Variants in NLGN4X observed in about 807,000 individuals in gnomAD.
NLGN4X encodes the protein neuroligin 4 X-linked, also known as neuroligin-4, X-linked.
A neutral mutation model predicts 40.3 loss-of-function variants in NLGN4X; 3 were observed. The observed-to-expected ratio is 0.07, with a 90% CI of 0.03 to 0.19. The LOEUF (loss-of-function observed/expected upper bound fraction) is 0.19. Among genes scored for constraint, NLGN4X ranks in the 10% least tolerant of loss-of-function variants. The pLI, the probability that NLGN4X is intolerant of heterozygous loss-of-function variation, is 1.00. For synonymous variants in NLGN4X, 270 were observed against 306.8 expected (o/e 0.88, Z 1.25); for missense variants, 382 against 708.3 (o/e 0.54, Z 5.23).
intron 1 of NLGN4X, among the ~76,000 whole-genome samples, chrX:6,172,661 A>G (rs1236411587): frequency 9.0e-6 from 1 of 111,549 alleles, no homozygotes; most frequent in African/African-American, 3.3e-5. Context: ...TTCTTTTTTC[A>G]ATTTTTAAAA....
At chrX:6,053,906 A>G (rs2037553763) in intron 2 of NLGN4X, among the ~76,000 whole-genome samples, 2 of 112,397 alleles carry the variant, frequency 1.8e-5, no homozygotes, top group South Asian at 3.7e-4. Flanking sequence ...TATACATTTC[A>G]CTTGAAATTC....
At chrX:6,137,357 A>G (rs2039842961) in intron 2 of NLGN4X, among the ~76,000 whole-genome samples, 2 of 111,919 alleles carry the variant, frequency 1.8e-5, no homozygotes, top group African/African-American at 6.5e-5. Flanking sequence ...TCTTACCTTG[A>G]TTACATTTGC....
At chrX:6,071,942 T>G (rs1481921585) in intron 2 of NLGN4X, among the ~76,000 whole-genome samples, 2 of 111,040 alleles carry the variant, frequency 1.8e-5, no homozygotes, top group African/African-American at 6.6e-5. Flanking sequence ...TCAGCCACCA[T>G]GCCCAGCCTG....
chrX:6,063,553 G>A (rs1379280740), intron 2 of NLGN4X, among the ~76,000 whole-genome samples: 1 of 111,873 alleles, frequency 8.9e-6, no homozygotes, highest in Admixed American at 9.5e-5. Context: ...GTGGCACAAG[G>A]GAGGAAATTT....
chrX:5,892,850 A>T lies in NLGN4X; in HGVS notation c.2418T>A (p.Asn806Lys). The change falls in exon 6 of 6, where the codon AAT (asparagine) becomes AAA (lysine). Residue 806 changes from asparagine (N) to lysine (K), a missense_variant. This residue lies in a region of NLGN4X where 57 missense variants were observed against 65.6 expected (regional missense o/e 0.87). Coordinates refer to ENST00000381095, the MANE Select transcript of NLGN4X (RefSeq NM_181332.3). Reference protein sequence around the residue: ...NTFSGGQNSTNLPHGHSTTRV With the variant: ...NTFSGGQNSTKLPHGHSTTRV ...TAGTGGTGGAATGTCCGTGGGGTAA[A>T]TTTGTACTGTTTTGTCCTCCACTGA... 8.3e-7 allele frequency: 1 copy of T among 1,211,144 alleles called. No individual in the cohort carries two copies. Among genetic ancestry groups the T allele is most frequent in the Non-Finnish European group, 1.1e-6 (1 of 895,366 alleles).
chrX:6,093,129 C>A (rs2038682309), intron 2 of NLGN4X, among the ~76,000 whole-genome samples: 1 of 111,381 alleles, frequency 9.0e-6, no homozygotes, highest in Non-Finnish European at 1.9e-5. Context: ...TTAGCCCTTG[C>A]CAAAGACAAC....
At chrX:6,204,161 A>G (rs1923847997) in intron 1 of NLGN4X, among the ~76,000 whole-genome samples, 1 of 112,314 alleles carries the variant, frequency 8.9e-6, no homozygotes, top group Non-Finnish European at 1.9e-5. Context: ...TGTTGTATGC[A>G]TGGTTTCTCA....
chrX:6,173,300 A>C (rs1038539336), intron 1 of NLGN4X, among the ~76,000 whole-genome samples: 2 of 111,950 alleles, frequency 1.8e-5, no homozygotes, highest in Non-Finnish European at 3.8e-5. Flanking sequence ...TGAAGGCTTC[A>C]GCAGCCTCAG....
intron 3 of NLGN4X, among the ~76,000 whole-genome samples, chrX:6,014,045 G>T (rs1438570831): frequency 9.1e-6 from 1 of 109,400 alleles, no homozygotes; most frequent in African/African-American, 3.3e-5. Flanking sequence ...AGCCAGGCAT[G>T]GTGGTGCGGG....
intron 3 of NLGN4X, among the ~76,000 whole-genome samples, chrX:6,010,884 C>G (rs1248302020): frequency 9.0e-6 from 1 of 111,311 alleles, no homozygotes; most frequent in Non-Finnish European, 1.9e-5. Context: ...ACAATAATCT[C>G]TATTTACCAA....
chrX:6,018,396 T>C (rs999885549), intron 3 of NLGN4X, among the ~76,000 whole-genome samples: 5 of 112,291 alleles, frequency 4.5e-5, no homozygotes, highest in African/African-American at 1.6e-4. Flanking sequence ...TCCAAAATGT[T>C]CTCCCAACAC....
Position 5,890,993 on chromosome X carries a change from T to C in NLGN4X, c.*1824A>G, listed in dbSNP as rs918258974. On this transcript the variant is annotated 3_prime_UTR_variant, in exon 6 of 6. Coordinates refer to ENST00000381095, the MANE Select transcript of NLGN4X (RefSeq NM_181332.3). ...TAGCGGAGAGATTTAAGACTGGATTTCTAGAATAACCCACAATGGAGCCGA... is the reference window on the plus strand; with the variant it reads ...TAGCGGAGAGATTTAAGACTGGATTCCTAGAATAACCCACAATGGAGCCGA... 1.6e-5 allele frequency: 5 copies of C among 305,241 alleles called. No homozygotes were observed. The highest frequency in any genetic ancestry group is 3.1e-5 in the Non-Finnish European group (5 of 161,888). The allele number at this position is 305,241 out of a possible 1,213,427, so 25.2% of individuals were successfully genotyped here.
At chrX:6,216,862 C>CA (rs780567137) in intron 1 of NLGN4X, among the ~76,000 whole-genome samples, 78 of 112,165 alleles carry the variant, frequency 7.0e-4, no homozygotes, top group Middle Eastern at 9.1e-3. Flanking sequence ...TAGCTCACTG[C>CA]AGCCTCAAAC....
chrX:6,184,243 C>G (rs1157773080), intron 1 of NLGN4X, among the ~76,000 whole-genome samples: 1 of 112,057 alleles, frequency 8.9e-6, no homozygotes, highest in Non-Finnish European at 1.9e-5. Flanking sequence ...AGACACATAT[C>G]ACTGGACACA....
chrX:6,111,682 G>A (rs1474284395), intron 2 of NLGN4X, among the ~76,000 whole-genome samples: 1 of 111,271 alleles, frequency 9.0e-6, no homozygotes, highest in Non-Finnish European at 1.9e-5. Context: ...GGAAGTCAAG[G>A]CTACAGTGAA....
At chrX:6,140,809 C>T (rs965395872) in intron 2 of NLGN4X, among the ~76,000 whole-genome samples, 1 of 108,560 alleles carries the variant, frequency 9.2e-6, no homozygotes, top group East Asian at 2.9e-4. Context: ...AACTCCTGGG[C>T]TCAAGCAATC....
intron 1 of NLGN4X, among the ~76,000 whole-genome samples, chrX:6,182,061 A>C (rs1017719882): frequency 4.5e-5 from 5 of 111,737 alleles, no homozygotes; most frequent in Non-Finnish European, 7.5e-5. Context: ...GGAAGGTAGC[A>C]ATAACAGTGA....
chrX:6,066,465 C>T lies in NLGN4X; in HGVS notation c.473-37033G>A, dbSNP rs142978626. Among the ~76,000 whole-genome samples the T allele has an allele frequency of 6.1e-3, 678 of 111,968 alleles. 3 individuals are homozygous for T. The highest frequency in any genetic ancestry group is 0.019 in the African/African-American group (576 of 30,832). Reference sequence around the variant, plus strand: ...GTTTTAACATTCCCTTTCACAGTTTCGATACTGATTAAGAAAATAAACACT... The same window carrying T: ...GTTTTAACATTCCCTTTCACAGTTTTGATACTGATTAAGAAAATAAACACT... On this transcript the variant is annotated intron_variant, in intron 2 of 5. Transcript: ENST00000381095.
chrX:6,139,615 T>C (rs2039897603), intron 2 of NLGN4X, among the ~76,000 whole-genome samples: 2 of 112,093 alleles, frequency 1.8e-5, no homozygotes, highest in Non-Finnish European at 1.9e-5. Context: ...AACTTTTCTA[T>C]CAAGGATCCT....
Sources: gnomAD v4.1 joint callset for allele counts (sites outside exome capture counted in the v4.1 genomes callset) on GRCh38, gnomAD v4.1.1 for gene constraint, gnomAD v4.1.1 regional missense constraint, MANE v1.5 for transcripts, NCBI Gene and HGNC (gene_info 2026-07-23, HGNC 2026-07-21) for gene names.